The following CDC14A variants were observed in gnomAD, a reference collection of about 807,000 sequenced individuals.
CDC14A encodes the protein dual specificity protein phosphatase CDC14A.
A neutral mutation model predicts 74.4 loss-of-function variants in CDC14A; 53 were observed. That is an observed-to-expected ratio of 0.71 (90% CI 0.57 to 0.89). The LOEUF (loss-of-function observed/expected upper bound fraction) is 0.89. CDC14A is among the 40% of genes least tolerant of loss of function. CDC14A has a pLI of 0.00. For missense variants in CDC14A, 646 were observed against 713.7 expected (o/e 0.91, Z 1.08); for synonymous variants, 247 against 258.4 (o/e 0.96, Z 0.43).
At chr1:100,358,860 G>T (rs1652288771) in intron 2 of CDC14A, among the ~76,000 whole-genome samples, 1 of 152,164 alleles carries the variant, frequency 6.6e-6, no homozygotes, top group South Asian at 2.1e-4. Flanking sequence ...CTCTTGCCTA[G>T]AAATATTTGT....
intron 9 of CDC14A, among the ~76,000 whole-genome samples, chr1:100,463,585 AAAG>A (rs1241112403): frequency 6.6e-6 from 1 of 152,256 alleles, no homozygotes; most frequent in African/African-American, 2.4e-5. Context: ...ATTAAATTTG[AAAG>A]TTAGATAAAC....
chr1:100,470,166 A>G (rs1668253399), intron 10 of CDC14A, among the ~76,000 whole-genome samples: 1 of 152,192 alleles, frequency 6.6e-6, no homozygotes, highest in South Asian at 2.1e-4. Context: ...GAAAATCAAT[A>G]TAATTCACCA....
intron 4 of CDC14A, among the ~76,000 whole-genome samples, chr1:100,401,767 G>A (rs913717302): frequency 2.6e-5 from 4 of 152,062 alleles, no homozygotes; most frequent in South Asian, 2.1e-4. Context: ...GGCCGGCCAC[G>A]GTGGCTCATG....
At chr1:100,394,287 A>G (rs1263607384) in intron 4 of CDC14A, among the ~76,000 whole-genome samples, 1 of 151,700 alleles carries the variant, frequency 6.6e-6, no homozygotes, top group Non-Finnish European at 1.5e-5. Context: ...AGCTAATTTC[A>G]TTTTATTTTT....
Position 100,516,552 on chromosome 1 carries a change from T to TAC in CDC14A, c.1756-1687_1756-1686dup, listed in dbSNP as rs367958031. Among the ~76,000 whole-genome samples the TAC allele has an allele frequency of 2.5e-3, 378 of 151,932 alleles. 3 individuals are homozygous for TAC. Among genetic ancestry groups the TAC allele is most frequent in the Non-Finnish European group, 5.3e-4 (36 of 67,910 alleles). On this transcript the variant is annotated intron_variant, in intron 15 of 15. Transcript: ENST00000336454. ...ATTCTCAAGAAAGCACTAGCTGAGCTACACACACACACATACACGCACAAC... is the reference window on the plus strand; with the variant it reads ...ATTCTCAAGAAAGCACTAGCTGAGCTACACACACACACACATACACGCACAAC...
intron 5 of CDC14A, among the ~76,000 whole-genome samples, chr1:100,436,797 A>G (rs1405134540): frequency 6.6e-6 from 1 of 152,068 alleles, no homozygotes; most frequent in Non-Finnish European, 1.5e-5. Context: ...CCACTCATCT[A>G]AATGATTTCT....
intron 4 of CDC14A, among the ~76,000 whole-genome samples, chr1:100,400,991 T>C (rs1659186667): frequency 6.6e-6 from 1 of 152,236 alleles, no homozygotes; most frequent in Admixed American, 6.5e-5. Context: ...CTGCATTTAG[T>C]ACTATATATT....
At chr1:100,382,211 C>CTTTT (rs557184435) in intron 3 of CDC14A, among the ~76,000 whole-genome samples, 17 of 105,122 alleles carry the variant, frequency 1.6e-4, no homozygotes, top group Non-Finnish European at 2.3e-4. Flanking sequence ...TTCCTCTATT[C>CTTTT]TTTTTTTTTT....
At chr1:100,455,586 A>G in intron 8 of CDC14A, 94 bp downstream of exon 8, 1 of 752,670 alleles carries the variant, frequency 1.3e-6, no homozygotes, top group Non-Finnish European at 2.2e-6. Context: ...CTTTGGTAAT[A>G]TTCTCCAAAG....
At chr1:100,395,338 CT>C (rs1436336808) in intron 4 of CDC14A, among the ~76,000 whole-genome samples, 1 of 152,076 alleles carries the variant, frequency 6.6e-6, no homozygotes, top group Admixed American at 6.5e-5. Context: ...GTTTTTATTC[CT>C]TCTCTCCCTA....
At chr1:100,383,809 T>A (rs997254903) in intron 3 of CDC14A, among the ~76,000 whole-genome samples, 7 of 152,208 alleles carry the variant, frequency 4.6e-5, no homozygotes, top group Non-Finnish European at 8.8e-5. Flanking sequence ...TCAGACTGAT[T>A]CATACAGCTT....
At chr1:100,425,305 G>GTATTGCT (rs1194035541) in intron 5 of CDC14A, among the ~76,000 whole-genome samples, 1 of 152,070 alleles carries the variant, frequency 6.6e-6, no homozygotes, top group African/African-American at 2.4e-5. Context: ...GCAAGCATGT[G>GTATTGCT]TATTGCTTAT....
intron 13 of CDC14A, among the ~76,000 whole-genome samples, chr1:100,496,495 A>G (rs1386469886): frequency 6.6e-6 from 1 of 152,088 alleles, no homozygotes; most frequent in East Asian, 1.9e-4. Context: ...AAGAGGAAAC[A>G]CTAGTTTTGT....
chr1:100,435,287 G>A (rs1664193014), intron 5 of CDC14A, among the ~76,000 whole-genome samples: 1 of 152,158 alleles, frequency 6.6e-6, no homozygotes, highest in South Asian at 2.1e-4. Context: ...GCAAAGTAGG[G>A]AGTTACTTGT....
chr1:100,454,505 C>G (rs1639913817), intron 7 of CDC14A, among the ~76,000 whole-genome samples: 1 of 151,998 alleles, frequency 6.6e-6, no homozygotes, highest in South Asian at 2.1e-4. Context: ...TTCGGAGGCA[C>G]ATGGGGAAGG....
chr1:100,442,843 T>A, intron 6 of CDC14A, 91 bp from the exon 7 acceptor site: 1 of 849,092 alleles, frequency 1.2e-6, no homozygotes, highest in Non-Finnish European at 2.0e-6. Context: ...TTCAGATTAG[T>A]GAGGATCATT....
chr1:100,397,688 GT>G (rs140519676), intron 4 of CDC14A, among the ~76,000 whole-genome samples: 8,613 of 151,466 alleles, frequency 0.057, 462 homozygotes, highest in African/African-American at 0.14. Flanking sequence ...AAGAAATACA[GT>G]TTTTTTTTCT....
At chr1:100,460,151 C>T (rs975340102) in intron 8 of CDC14A, among the ~76,000 whole-genome samples, 7 of 152,148 alleles carry the variant, frequency 4.6e-5, no homozygotes, top group Non-Finnish European at 1.0e-4. Context: ...AAGCACTTAG[C>T]ATAGTGGCTA....
intron 4 of CDC14A, among the ~76,000 whole-genome samples, chr1:100,415,535 A>G (rs1053331972): frequency 1.3e-5 from 2 of 152,204 alleles, no homozygotes; most frequent in African/African-American, 4.8e-5. Context: ...TTAAGCAGGT[A>G]TATTGTCTTA....
Sources: allele counts gnomAD v4.1 joint callset (sites outside exome capture counted in the v4.1 genomes callset), GRCh38; gene constraint gnomAD v4.1.1; transcripts MANE v1.5; gene names NCBI Gene and HGNC (gene_info 2026-07-23, HGNC 2026-07-21).